TECPR1: variants seen among roughly 807,000 people sequenced by gnomAD.
TECPR1 encodes tectonin beta-propeller repeat containing 1.
Under a neutral mutation model 162.4 loss-of-function variants are expected in TECPR1, and 122 were observed. The ratio of observed to expected loss-of-function variants is 0.75; its 90% CI spans 0.65 to 0.87. The LOEUF (loss-of-function observed/expected upper bound fraction) is 0.87, where lower values mean the gene tolerates loss of function less well. Among genes scored for constraint, TECPR1 ranks in the 40% least tolerant of loss-of-function variants. The pLI, the probability that TECPR1 is intolerant of heterozygous loss-of-function variation, is 0.00. For missense variants in TECPR1, 1,432 were observed against 1,618.2 expected (o/e 0.88, Z 1.97); for synonymous variants, 642 against 670.6 (o/e 0.96, Z 0.66).
Position 98,232,534 on chromosome 7 carries a change from A to G in TECPR1, c.1818+293T>C, listed in dbSNP as rs1362427212. ...GGTTCCCTCCAGCAGGAAGAGGATG[A>G]CGTGGTTCCCCTCCCTGGCCACCCT... On this transcript the variant is annotated intron_variant, in intron 12 of 25. Transcript: ENST00000447648. The surrounding 1 kb of genome is among the most constrained non-coding windows in gnomAD (Gnocchi z 4.6). 6.6e-6 allele frequency among the ~76,000 whole-genome samples: 1 copy of G among 151,762 alleles called. No homozygotes were observed. The highest frequency in any genetic ancestry group is 2.0e-4 in the East Asian group (1 of 5,126).
rs373441649 is a variant in TECPR1, at chr7:98,222,503, C to T, written c.2947G>A (p.Val983Ile). ...GAGGCGAAGGGCTGGTCGGTGCCAACGTGCAGCCAGGAGGAGCCCTGGGGA... is the reference window on the plus strand; with the variant it reads ...GAGGCGAAGGGCTGGTCGGTGCCAATGTGCAGCCAGGAGGAGCCCTGGGGA... ...LNPAGSSWLHVGTDQPFASIS... is the reference protein window; with the variant it reads ...LNPAGSSWLHIGTDQPFASIS... Residue 983 changes from valine (V) to isoleucine (I), a missense_variant, in exon 22 of 26, where the codon GTT (valine) becomes ATT (isoleucine). Physicochemically the swap from Val to Ile is conservative, Grantham distance 29. Coordinates refer to ENST00000447648, the MANE Select transcript of TECPR1 (RefSeq NM_015395.3). 2.3e-5 allele frequency: 37 copies of T among 1,586,774 alleles called. No homozygotes were observed. The highest frequency in any genetic ancestry group is 6.9e-5 in the South Asian group (6 of 86,948).
intron 15 of TECPR1, among the ~76,000 whole-genome samples, chr7:98,230,179 T>G (rs1347467041): frequency 6.6e-6 from 1 of 151,716 alleles, no homozygotes; most frequent in Non-Finnish European, 1.5e-5. Flanking sequence ...TTGGTTTCTT[T>G]TTTTTTTTGT....
At chr7:98,230,890 T>TC (rs1004189711) in intron 15 of TECPR1, 71 bp downstream of exon 15, 49 of 1,542,182 alleles carry the variant, frequency 3.2e-5, no homozygotes, top group Admixed American at 1.7e-4. Context: ...GTCCTCTGGA[T>TC]CCCCCTTCTG....
chr7:98,233,365 A>C, intron 11 of TECPR1, 56 bp downstream of exon 11: 1 of 1,402,802 alleles, frequency 7.1e-7, no homozygotes, highest in Non-Finnish European at 9.3e-7. Context: ...CCCACACCCC[A>C]CACCCCCAGG....
intron 23 of TECPR1, 79 bp from the exon 24 acceptor site, chr7:98,218,121 CA>C: frequency 8.2e-7 from 1 of 1,218,028 alleles, no homozygotes; most frequent in Non-Finnish European, 1.2e-6. Flanking sequence ...AGCCGGTGGC[CA>C]GGCCCCGCTC....
Position 98,239,625 on chromosome 7 carries a change from G to C in TECPR1, c.934-1015C>G, listed in dbSNP as rs187170205. Among the ~76,000 whole-genome samples the C allele has an allele frequency of 9.2e-5, 14 of 152,286 alleles. No individual in the cohort carries two copies. The East Asian group carries it at 2.5e-3, about 27-fold the overall frequency. ...CAAAGAAAGTGACACATGGCTGTAA[G>C]AGGGGCTTGGAAGTTGTGGTCTCTG... On this transcript the variant is annotated intron_variant, in intron 8 of 25. Transcript: ENST00000447648.
intron 8 of TECPR1, among the ~76,000 whole-genome samples, chr7:98,240,532 G>A (rs964532646): frequency 4.6e-5 from 7 of 151,984 alleles, no homozygotes; most frequent in Admixed American, 4.6e-4. Flanking sequence ...CAATTCTCCT[G>A]CCTCCCAAGT....
Position 98,232,722 on chromosome 7 carries a change from T to C in TECPR1, c.1818+105A>G. On this transcript the variant is annotated intron_variant, in intron 12 of 25. Coordinates refer to ENST00000447648, the MANE Select transcript of TECPR1 (RefSeq NM_015395.3). This position sits in a 1 kb window ranked among gnomAD's most constrained non-coding sequence, Gnocchi z 4.6. ...TGCATCTGGGCGGGAGACCAGGGGA[T>C]GGAGGCATCTATCTGTTTCTCTCAG... 1 of 1,360,774 alleles carries C rather than the reference T, an allele frequency of 7.3e-7. No homozygotes were observed. Among genetic ancestry groups the C allele is most frequent in the Non-Finnish European group, 9.7e-7 (1 of 1,029,356 alleles). 84.3% of individuals were successfully genotyped at this position (1,360,774 alleles called of 1,614,324 possible). A position where few individuals can be genotyped will look rare whatever the true frequency, so the allele number is the denominator to read the frequency against.
In TECPR1 at chr7:98,241,208, C is replaced by T. The variant is rs551051227; in HGVS notation, c.694G>A (p.Glu232Lys). The T allele has an allele frequency of 1.2e-6, 2 of 1,612,820 alleles. No homozygotes were observed. Among genetic ancestry groups the T allele is most frequent in the East Asian group, 2.2e-5 (1 of 44,880 alleles). ...YREDVSHSNP[E>K]GSSWSLLDTP... is the part of the protein sequence containing the mutation. ...TCCAGCAGGGACCAGGAGGACCCTT[C>T]GGGGTTGGAGTGGCTGACGTCCTCT... The change falls in exon 7 of 26, where the codon GAA becomes AAA. Residue 232 changes from glutamate to lysine, a missense_variant. Transcript: ENST00000447648. The surrounding 1 kb of genome is among the most constrained non-coding windows in gnomAD (Gnocchi z 5.0).
intron 2 of TECPR1, among the ~76,000 whole-genome samples, chr7:98,246,456 G>A (rs1371391920): frequency 8.6e-5 from 13 of 151,806 alleles, no homozygotes; most frequent in African/African-American, 1.9e-4. Flanking sequence ...TAGTAGAGAC[G>A]GGGTTTCGCC....
rs1466197789 is a variant in TECPR1 at position 98,229,143 on chromosome 7, T to C, written c.2306A>G (p.His769Arg). 2.0e-5 allele frequency: 32 copies of C among 1,562,248 alleles called. No individual in the cohort carries two copies. Among genetic ancestry groups the C allele is most frequent in the Non-Finnish European group, 2.8e-5 (32 of 1,153,980 alleles). The change falls in exon 16 of 26, where the codon CAC becomes CGC. Residue 769 changes from histidine (H) to arginine (R), a missense_variant. Physicochemically the swap from His to Arg is conservative, Grantham distance 29. Coordinates refer to ENST00000447648, the MANE Select transcript of TECPR1 (RefSeq NM_015395.3). ...DQMFWRQMGG[H>R]LRMVEANSRG... ...GCTGTTGGCCTCCACCATCCGCAGG[T>C]GGCCTCCCATCTGCCGCCAAAACCT...
rs1399259007 is a variant in TECPR1, at chr7:98,216,974, G to A, written c.*416C>T. ...CCCATGGCCATCTCTCTTGGTGAGG[G>A]GTGGCGGGCCCGGGTGCTGTCTGAG... On this transcript the variant is annotated 3_prime_UTR_variant, in exon 26 of 26. Transcript: ENST00000447648. The A allele has an allele frequency of 7.2e-5, 13 of 179,612 alleles. No individual in the cohort carries two copies. In the East Asian group the frequency reaches 2.0e-3, roughly 28 times the overall value. 11.1% of individuals were successfully genotyped at this position (179,612 alleles called of 1,614,324 possible).
chr7:98,230,039 G>A (rs1410929632), intron 15 of TECPR1, among the ~76,000 whole-genome samples: 1 of 150,106 alleles, frequency 6.7e-6, no homozygotes, highest in African/African-American at 2.5e-5. Flanking sequence ...TGCCCAGGCT[G>A]GAGTGCCGTG....
At chr7:98,222,819 C>T (rs1798176957) in intron 21 of TECPR1, 171 bp downstream of exon 21, 11 of 932,758 alleles carry the variant, frequency 1.2e-5, no homozygotes, top group East Asian at 7.3e-5. Context: ...CTGTCACCCC[C>T]GCCCCACCCG....
intron 23 of TECPR1, among the ~76,000 whole-genome samples, chr7:98,221,169 G>A (rs1231007425): frequency 1.3e-5 from 2 of 152,064 alleles, no homozygotes; most frequent in African/African-American, 2.4e-5. Context: ...AGGTGTGGTG[G>A]TGCGTGTCTG....
Position 98,217,918 on chromosome 7 carries a change from C to T in TECPR1, c.3264+18G>A. The stretch of plus-strand genomic sequence containing the variant: ...ACCAGAGCACCCCAAGTGCCCGATA[C>T]CCCCTGAGCACCCCCACCTGGTCCA... On this transcript the variant is annotated intron_variant, in intron 24 of 25. Coordinates refer to ENST00000447648, the MANE Select transcript of TECPR1 (RefSeq NM_015395.3). The T allele has an allele frequency of 1.9e-6, 3 of 1,545,186 alleles. No individual in the cohort carries two copies. The highest frequency in any genetic ancestry group is 2.6e-6 in the Non-Finnish European group (3 of 1,141,990).
chr7:98,227,535 T>A (rs547399366), intron 17 of TECPR1, among the ~76,000 whole-genome samples: 9 of 152,056 alleles, frequency 5.9e-5, no homozygotes, highest in Non-Finnish European at 1.0e-4. Flanking sequence ...AGTTAGAGAC[T>A]TCTGACCGGG....
In TECPR1 at chr7:98,231,317, G is replaced by A. The variant is rs1798429452; in HGVS notation, c.2031C>T (p.Thr677=). 1 of 1,611,812 alleles carries A rather than the reference G, an allele frequency of 6.2e-7. No individual in the cohort carries two copies. Among genetic ancestry groups the A allele is most frequent in the Non-Finnish European group, 8.5e-7 (1 of 1,179,174 alleles). Residue 677 remains threonine, a synonymous_variant, in exon 14 of 26, where the codon ACC becomes ACT. Coordinates refer to ENST00000447648, the MANE Select transcript of TECPR1 (RefSeq NM_015395.3). ...VVALVPVLNE[T]KHSFALYTPE... ...GGGTGTACAGGGCAAAGGAGTGCTT[G>A]GTCTCGTTCAGCACTGGGACCAGCG...
chr7:98,240,800 A>T, intron 8 of TECPR1, 51 bp downstream of exon 8: 2 of 1,433,766 alleles, frequency 1.4e-6, no homozygotes, highest in East Asian at 2.4e-5. Context: ...AGCTCACTGC[A>T]GTCTCCAACT....
Sources: gnomAD v4.1 joint callset for allele counts (sites outside exome capture counted in the v4.1 genomes callset) on GRCh38, gnomAD v4.1.1 for gene constraint, Gnocchi (gnomAD v3.1) non-coding constraint, MANE v1.5 for transcripts, NCBI Gene and HGNC (gene_info 2026-07-23, HGNC 2026-07-21) for gene names.